HRH1: variants seen among roughly 807,000 people sequenced by gnomAD.
HRH1 encodes the protein histamine H1 receptor.
A neutral mutation model predicts 10.3 loss-of-function variants in HRH1; 6 were observed. That is an observed-to-expected ratio of 0.58 (90% CI 0.32 to 1.15). The LOEUF is 1.15. Among genes scored for constraint, HRH1 ranks in the 50% most tolerant of loss-of-function variants. The pLI, the probability that HRH1 is intolerant of heterozygous loss-of-function variation, is 0.05. For synonymous variants in HRH1, 242 were observed against 236.7 expected (o/e 1.02, Z -0.21); for missense variants, 514 against 615.3 (o/e 0.84, Z 1.74).
chr3:11,184,383 G>A (rs1937412739), intron 1 of HRH1, among the ~76,000 whole-genome samples: 1 of 152,094 alleles, frequency 6.6e-6, no homozygotes, highest in Non-Finnish European at 1.5e-5. Context: ...CAGCAGAAGC[G>A]GAATCTGAAC....
At chr3:11,152,917 C>G (rs1936676876), upstream of HRH1, among the ~76,000 whole-genome samples, 1 of 151,976 alleles carries the variant, frequency 6.6e-6, no homozygotes, top group African/African-American at 2.4e-5. Flanking sequence ...CCATAATGCC[C>G]AGGACAGTGA....
rs551972437 is a variant in HRH1, at chr3:11,249,381, T to C, written c.-35-9622T>C. 3.2e-4 allele frequency among the ~76,000 whole-genome samples: 39 copies of C among 120,726 alleles called. No homozygotes were observed. The South Asian group carries it at 3.7e-3, about 11-fold the overall frequency. 79.2% of individuals were successfully genotyped at this position (120,726 alleles called of 152,430 possible). On this transcript the variant is annotated intron_variant, in intron 1 of 1. Transcript: ENST00000431010. ...TCGCGCCACTGCACTCCAGCCTGGG[T>C]GACAAAGTGAGACTCTGTCTCAAAA...
intron 1 of HRH1, among the ~76,000 whole-genome samples, chr3:11,214,725 GA>G (rs1478979170): frequency 3.9e-5 from 6 of 152,296 alleles, no homozygotes; most frequent in Non-Finnish European, 5.9e-5. Flanking sequence ...TTTTCTACCT[GA>G]TTTTTTTAAA....
upstream of HRH1, among the ~76,000 whole-genome samples, chr3:11,150,289 C>T (rs915673769): frequency 7.9e-5 from 12 of 152,230 alleles, no homozygotes; most frequent in Non-Finnish European, 1.6e-4. Flanking sequence ...CATGCTGGCC[C>T]CTTGGCCACT....
intron 1 of HRH1, among the ~76,000 whole-genome samples, chr3:11,156,315 C>G (rs540450848): frequency 3.7e-4 from 57 of 152,188 alleles, no homozygotes; most frequent in African/African-American, 1.3e-3. Flanking sequence ...GGGTGGAGGC[C>G]GGAGCAGCCT....
chr3:11,144,437 A>C (rs62248178), intron 1 of HRH1, among the ~76,000 whole-genome samples: 1 of 94,976 alleles, frequency 1.1e-5, no homozygotes, highest in African/African-American at 4.1e-5. Context: ...ACATATAGAC[A>C]TATAGACATA....
intron 1 of HRH1, among the ~76,000 whole-genome samples, chr3:11,138,055 G>A (rs974208360): frequency 6.6e-6 from 1 of 151,752 alleles, no homozygotes; most frequent in African/African-American, 2.4e-5. Flanking sequence ...TCCCTCTGTT[G>A]TCCAGGCTGG....
chr3:11,247,112 C>A (rs1025028647), intron 1 of HRH1, among the ~76,000 whole-genome samples: 11 of 152,280 alleles, frequency 7.2e-5, no homozygotes, highest in African/African-American at 2.4e-4. Context: ...TCACTGAGGT[C>A]AGGAGTTCGA....
chr3:11,239,983 C>G (rs1453429837), intron 1 of HRH1, among the ~76,000 whole-genome samples: 2 of 152,140 alleles, frequency 1.3e-5, no homozygotes, highest in African/African-American at 2.4e-5. Context: ...TGGCACAACT[C>G]CAATTCCAGT....
At chr3:11,149,245 A>ACCAG (rs1403547126) in intron 1 of HRH1, among the ~76,000 whole-genome samples, 1 of 152,190 alleles carries the variant, frequency 6.6e-6, no homozygotes, top group East Asian at 1.9e-4. Context: ...ATTTTTAAAA[A>ACCAG]CCAGCCAGAG....
intron 1 of HRH1, among the ~76,000 whole-genome samples, chr3:11,162,141 C>T (rs1334205197): frequency 6.6e-6 from 1 of 152,158 alleles, no homozygotes; most frequent in African/African-American, 2.4e-5. Context: ...CGCATGCTCC[C>T]TGCAGGCACG....
chr3:11,213,457 C>T (rs958155304), intron 1 of HRH1, among the ~76,000 whole-genome samples: 12 of 152,238 alleles, frequency 7.9e-5, no homozygotes, highest in African/African-American at 1.9e-4. Flanking sequence ...ATAAAATACC[C>T]GAGACTGGAT....
intron 1 of HRH1, among the ~76,000 whole-genome samples, chr3:11,213,018 C>T (rs985991588): frequency 2.6e-5 from 4 of 152,118 alleles, no homozygotes; most frequent in South Asian, 2.1e-4. Context: ...TTTAGATCTC[C>T]GCTCAAATGT....
chr3:11,140,266 C>A (rs1278029187), intron 1 of HRH1, among the ~76,000 whole-genome samples: 2 of 152,160 alleles, frequency 1.3e-5, no homozygotes, highest in Non-Finnish European at 2.9e-5. Context: ...CTGGATGAAA[C>A]CCCGCCCCTC....
At chr3:11,254,637 A>G (rs1342655262) in intron 1 of HRH1, among the ~76,000 whole-genome samples, 1 of 152,194 alleles carries the variant, frequency 6.6e-6, no homozygotes, top group Non-Finnish European at 1.5e-5. Context: ...AGGCCACCGC[A>G]ACAAAGCAGC....
chr3:11,204,651 G>A (rs575984403), intron 1 of HRH1, among the ~76,000 whole-genome samples: 17 of 152,318 alleles, frequency 1.1e-4, no homozygotes, highest in African/African-American at 3.8e-4. Flanking sequence ...CGTGTTAGGT[G>A]CTTTACCAGG....
At chr3:11,226,438 G>A (rs1249628187) in intron 1 of HRH1, 1 of 152,266 alleles carries the variant, frequency 6.6e-6, no homozygotes, top group East Asian at 1.9e-4. Context: ...GAAGATTTGA[G>A]GATGAGCAGG....
chr3:11,210,785 C>A (rs1938301868), intron 1 of HRH1, among the ~76,000 whole-genome samples: 1 of 138,758 alleles, frequency 7.2e-6, no homozygotes, highest in Non-Finnish European at 1.6e-5. Flanking sequence ...AGAGCAAGAT[C>A]CTGTCTCAAA....
At chr3:11,198,035 C>T (rs1937735784) in intron 1 of HRH1, among the ~76,000 whole-genome samples, 1 of 152,144 alleles carries the variant, frequency 6.6e-6, no homozygotes, top group East Asian at 1.9e-4. Flanking sequence ...CCTCAGTTGC[C>T]TGGTTCTCCC....
Sources: gnomAD v4.1 joint callset for allele counts (sites outside exome capture counted in the v4.1 genomes callset) on GRCh38, gnomAD v4.1.1 for gene constraint, MANE v1.5 for transcripts, NCBI Gene and HGNC (gene_info 2026-07-23, HGNC 2026-07-21) for gene names.